Variants in FRYL observed in about 807,000 individuals in gnomAD.
FRYL encodes FRY like transcription coactivator.
FRYL carries 150 observed loss-of-function variants against 351.2 expected under a neutral mutation model. That is an observed-to-expected ratio of 0.43 (90% CI 0.37 to 0.49). The LOEUF (loss-of-function observed/expected upper bound fraction) is 0.49, where lower values mean the gene tolerates loss of function less well. Among genes scored for constraint, FRYL ranks in the 20% least tolerant of loss-of-function variants. FRYL has a pLI of 0.00. For missense variants in FRYL, 3,036 were observed against 3,619.3 expected, an observed-to-expected ratio of 0.84 and a Z score of 4.13; for synonymous variants, 1,153 against 1,257.1, an observed-to-expected ratio of 0.92 and a Z score of 1.75.
At chr4:48,501,874 C>T (rs1719757866) in intron 61 of FRYL, 141 bp from the exon 62 acceptor site, 6 of 598,586 alleles carry the variant, frequency 1.0e-5, no homozygotes, top group Non-Finnish European at 1.8e-5. Flanking sequence ...TGATGAAAGG[C>T]ACGTGAAATA....
At chr4:48,727,892 C>T (rs1770260527) in intron 1 of FRYL, among the ~76,000 whole-genome samples, 1 of 152,114 alleles carries the variant, frequency 6.6e-6, no homozygotes, top group African/African-American at 2.4e-5. Context: ...CCAACTCTAG[C>T]CTACTCTTAA....
At chr4:48,661,681 C>A (rs895925969) in intron 3 of FRYL, among the ~76,000 whole-genome samples, 6 of 152,120 alleles carry the variant, frequency 3.9e-5, no homozygotes, top group African/African-American at 9.7e-5. Context: ...CAGCACTCAG[C>A]GATGTCACAA....
rs56320005 is a variant in FRYL, at chr4:48,592,082, T to TTATATATATATATATATATATATATA, written c.1336-1278_1336-1253dup. ...GGAATACGGGAAGAAAATAAAGCTC[T>TTATATATATATATATATATATATATA]TATATATATATATATATATATATAT... On this transcript the variant is annotated intron_variant, in intron 16 of 63. Transcript: ENST00000358350. 6.6e-3 allele frequency among the ~76,000 whole-genome samples: 760 copies of TTATATATATATATATATATATATATA among 115,554 alleles called. 9 individuals carry two copies. The highest frequency in any genetic ancestry group is 9.0e-3 in the African/African-American group (200 of 22,114). The allele number at this position is 115,554 out of a possible 152,430, so 75.8% of individuals were successfully genotyped here.
chr4:48,561,221 T>G (rs1735438982), intron 33 of FRYL, among the ~76,000 whole-genome samples: 1 of 152,186 alleles, frequency 6.6e-6, no homozygotes, highest in Non-Finnish European at 1.5e-5. Flanking sequence ...ATTTTTTTCT[T>G]TTTGATGGAG....
In FRYL at chr4:48,580,386, T is replaced by C. The variant is rs563718835; in HGVS notation, c.2259+479A>G. The C allele has an allele frequency of 2.0e-5, 3 of 153,378 alleles. No homozygotes were observed. In the South Asian group the frequency reaches 6.2e-4, roughly 32 times the overall value. 9.5% of individuals were successfully genotyped at this position (153,378 alleles called of 1,614,324 possible). On this transcript the variant is annotated intron_variant, in intron 22 of 63. Transcript: ENST00000358350. ...AAGTGTTTCTCTCCATTTTAATGAGTCAAATTACATATGACATTGGTATAA... is the reference window on the plus strand; with the variant it reads ...AAGTGTTTCTCTCCATTTTAATGAGCCAAATTACATATGACATTGGTATAA...
chr4:48,681,465 G>C (rs759900938), intron 3 of FRYL, among the ~76,000 whole-genome samples: 19 of 152,104 alleles, frequency 1.2e-4, no homozygotes, highest in Non-Finnish European at 2.5e-4. Flanking sequence ...CTTTCACTGT[G>C]ATCATGTAAA....
Position 48,742,973 on chromosome 4 carries a change from A to ATTTTTTTTTTTTTTTTTTT in FRYL, c.-383-32294_-383-32276dup, listed in dbSNP as rs71191256. Among the ~76,000 whole-genome samples the ATTTTTTTTTTTTTTTTTTT allele has an allele frequency of 4.9e-5, 4 of 81,750 alleles. 1 individual carries two copies. Among genetic ancestry groups the ATTTTTTTTTTTTTTTTTTT allele is most frequent in the Non-Finnish European group, 4.7e-5 (2 of 42,858 alleles). 53.6% of individuals were successfully genotyped at this position (81,750 alleles called of 152,430 possible). A position where few individuals can be genotyped will look rare whatever the true frequency, so the allele number is the denominator to read the frequency against. On this transcript the variant is annotated intron_variant, in intron 1 of 63. Transcript: ENST00000358350. ...AGGTGTGCGCCACCACGCCTGGATAATTTTTTTTTTTTTTTTTTTTTTTTT... is the reference window on the plus strand; with the variant it reads ...AGGTGTGCGCCACCACGCCTGGATAATTTTTTTTTTTTTTTTTTTTTTTTTTTTTTTTTTTTTTTTTTTT...
intron 1 of FRYL, among the ~76,000 whole-genome samples, chr4:48,737,245 G>C (rs569789504): frequency 3.0e-5 from 4 of 132,350 alleles, no homozygotes; most frequent in African/African-American, 5.5e-5. Flanking sequence ...GCCACAGAGC[G>C]AGACTCCATC....
chr4:48,772,842 A>C (rs1775657580), intron 1 of FRYL, among the ~76,000 whole-genome samples: 2 of 152,234 alleles, frequency 1.3e-5, no homozygotes, highest in Non-Finnish European at 2.9e-5. Context: ...TTCCTTTTTC[A>C]TCAACTTTCA....
At chr4:48,747,531 T>C (rs549396059) in intron 1 of FRYL, among the ~76,000 whole-genome samples, 3 of 152,198 alleles carry the variant, frequency 2.0e-5, no homozygotes, top group Non-Finnish European at 4.4e-5. Context: ...ATCAGCAATA[T>C]GGACTTTACC....
At position 48,581,131 on chromosome 4, in the gene FRYL, C is replaced by T. The variant is rs576908844; in HGVS notation, c.2173-180G>A. Reference sequence around the variant, plus strand: ...CGCCATCTCGGCTCACTGCAAACTCCGCCTCCTGGGTTCACGCCATTCTCC... The same window carrying T: ...CGCCATCTCGGCTCACTGCAAACTCTGCCTCCTGGGTTCACGCCATTCTCC... On this transcript the variant is annotated intron_variant, in intron 21 of 63. Transcript: ENST00000358350. 5.8e-4 allele frequency among the ~76,000 whole-genome samples: 88 copies of T among 151,786 alleles called. 1 individual carries two copies. Among genetic ancestry groups the T allele is most frequent in the African/African-American group, 2.0e-3 (84 of 41,380 alleles).
intron 1 of FRYL, among the ~76,000 whole-genome samples, chr4:48,737,025 A>T (rs1771509258): frequency 1.3e-5 from 2 of 151,872 alleles, no homozygotes; most frequent in Admixed American, 1.3e-4. Context: ...CACACCTTTG[A>T]TCCCAGCACT....
At chr4:48,708,695 T>C (rs6845398) in intron 2 of FRYL, among the ~76,000 whole-genome samples, 148,433 of 152,286 alleles carry the variant, frequency 0.97, 72,452 homozygotes, top group East Asian at 1. Context: ...TGGGCTCAAG[T>C]AATCCTCCCA....
At chr4:48,729,882 G>C (rs902589202) in intron 1 of FRYL, among the ~76,000 whole-genome samples, 1 of 152,190 alleles carries the variant, frequency 6.6e-6, no homozygotes, top group Non-Finnish European at 1.5e-5. Context: ...AAACTGGACA[G>C]AGAATGAGTT....
intron 45 of FRYL, 147 bp downstream of exon 45, chr4:48,541,880 T>G (rs1341780788): frequency 3.3e-6 from 2 of 598,706 alleles, no homozygotes; most frequent in East Asian, 5.4e-5. Flanking sequence ...AAGTCCTCAC[T>G]GTCTGCGGCC....
chr4:48,505,766 A>C (rs894056186), intron 59 of FRYL, 151 bp from the exon 60 acceptor site: 12 of 545,436 alleles, frequency 2.2e-5, no homozygotes, highest in African/African-American at 2.1e-4. Flanking sequence ...CAAATCAATC[A>C]TTTATATGGA....
chr4:48,547,843 G>A, intron 40 of FRYL, 74 bp from the exon 41 acceptor site: 1 of 997,122 alleles, frequency 1.0e-6, no homozygotes, highest in Non-Finnish European at 1.4e-6. Flanking sequence ...CTCACATTTT[G>A]AAGAAAAGGA....
chr4:48,711,134 C>T (rs192866570), intron 1 of FRYL, among the ~76,000 whole-genome samples: 265 of 152,286 alleles, frequency 1.7e-3, no homozygotes, highest in African/African-American at 5.9e-3. Context: ...CCAGCGGGAG[C>T]GACACAGAAG....
chr4:48,757,474 T>C (rs1773916222), intron 1 of FRYL, among the ~76,000 whole-genome samples: 1 of 152,014 alleles, frequency 6.6e-6, no homozygotes, highest in African/African-American at 2.4e-5. Context: ...AAATCATGAG[T>C]GAACTCCCAT....
Sources: allele counts gnomAD v4.1 joint callset (sites outside exome capture counted in the v4.1 genomes callset), GRCh38; gene constraint gnomAD v4.1.1; transcripts MANE v1.5; gene names NCBI Gene and HGNC (gene_info 2026-07-23, HGNC 2026-07-21).